AUTS2: variants seen among roughly 807,000 people sequenced by gnomAD.
The protein encoded by AUTS2 is activator of transcription and developmental regulator AUTS2, also known as autism susceptibility gene 2 protein.
A neutral mutation model predicts 112.4 loss-of-function variants in AUTS2; 17 were observed. The observed-to-expected ratio is 0.15, with a 90% CI of 0.10 to 0.23. The LOEUF (loss-of-function observed/expected upper bound fraction) is 0.23, where lower values mean the gene tolerates loss of function less well. Among genes scored for constraint, AUTS2 ranks in the 10% least tolerant of loss-of-function variants. The probability of loss-of-function intolerance (pLI) is 1.00; values close to 1 mark genes in which losing one functional copy is unlikely to be tolerated. For synonymous variants in AUTS2, 751 were observed against 702.7 expected, an observed-to-expected ratio of 1.07 and a Z score of -1.09; for missense variants, 1,510 against 1,701.6, an observed-to-expected ratio of 0.89 and a Z score of 1.98.
At chr7:69,714,763 T>C (rs980896963) in intron 1 of AUTS2, among the ~76,000 whole-genome samples, 2 of 152,186 alleles carry the variant, frequency 1.3e-5, no homozygotes, top group Non-Finnish European at 2.9e-5. Context: ...GGGATCCTGA[T>C]TGAAATTAAA....
At chr7:70,257,267 A>G (rs1279808326) in intron 4 of AUTS2, among the ~76,000 whole-genome samples, 2 of 152,132 alleles carry the variant, frequency 1.3e-5, no homozygotes, top group Non-Finnish European at 2.9e-5. Flanking sequence ...CAGCCTCTCA[A>G]GTAGCTGGGA....
chr7:69,599,497 C>T lies in AUTS2; in HGVS notation c.-157C>T, dbSNP rs1416529293. 4 of 573,612 alleles carry T rather than the reference C, an allele frequency of 7.0e-6. No individual in the cohort carries two copies. The highest frequency in any genetic ancestry group is 1.0e-5 in the Non-Finnish European group (4 of 392,636). The allele number at this position is 573,612 out of a possible 1,614,324, so 35.5% of individuals were successfully genotyped here. On this transcript the variant is annotated 5_prime_UTR_variant, in exon 1 of 19. Coordinates refer to ENST00000342771, the MANE Select transcript of AUTS2 (RefSeq NM_015570.4). The surrounding 1 kb of genome is among the most constrained non-coding windows in gnomAD (Gnocchi z 7.0). ...CTTTTCTTTCTCCTCTCTTTCTTCC[C>T]CTCTCTCCCTTCTTTCGGCCGCCGT...
chr7:70,714,891 A>G (rs1810269752), intron 6 of AUTS2, among the ~76,000 whole-genome samples: 1 of 152,230 alleles, frequency 6.6e-6, no homozygotes, highest in African/African-American at 2.4e-5. Context: ...AGTGATGTCA[A>G]AATTATTCAG....
At chr7:69,791,412 C>T (rs533106935) in intron 1 of AUTS2, among the ~76,000 whole-genome samples, 4 of 152,264 alleles carry the variant, frequency 2.6e-5, no homozygotes, top group Non-Finnish European at 5.9e-5. Flanking sequence ...CTGAATATAG[C>T]ACAGTAATTA....
intron 1 of AUTS2, among the ~76,000 whole-genome samples, chr7:69,794,841 G>T (rs1789769671): frequency 6.6e-6 from 1 of 152,048 alleles, no homozygotes; most frequent in African/African-American, 2.4e-5. Context: ...TCCTCCATTA[G>T]TAGGAGGTAG....
At chr7:70,406,560 A>G (rs1333473721) in intron 4 of AUTS2, among the ~76,000 whole-genome samples, 1 of 152,230 alleles carries the variant, frequency 6.6e-6, no homozygotes, top group African/African-American at 2.4e-5. Flanking sequence ...GTTGTTGGAA[A>G]GAAATGTTTA....
chr7:70,266,047 A>G (rs894046322), intron 4 of AUTS2, among the ~76,000 whole-genome samples: 3 of 152,204 alleles, frequency 2.0e-5, no homozygotes, highest in African/African-American at 4.8e-5. Context: ...ACTCCTAGCT[A>G]TATACCCAAA....
chr7:70,739,634 T>A (rs1787986133), intron 6 of AUTS2, among the ~76,000 whole-genome samples: 1 of 152,060 alleles, frequency 6.6e-6, no homozygotes, highest in Non-Finnish European at 1.5e-5. Context: ...AGTTGTAGAA[T>A]CTTTTGTTTG....
At position 70,698,611 on chromosome 7, in the gene AUTS2, G is replaced by A. The variant is rs768645278; in HGVS notation, c.733G>A (p.Val245Ile). Residue 245 changes from valine to isoleucine, a missense_variant, in exon 6 of 19, where the codon GTA (valine) becomes ATA (isoleucine). Around this residue, in one of 3 missense-constraint regions of AUTS2, gnomAD observed 535 missense variants for 594.3 expected, o/e 0.90. Transcript: ENST00000342771. ...SSEKLFNTVI[V>I]NKDPELGVGT... ...TGAAAAACTCTTCAACACTGTTATT[G>A]TAAACAAAGGTAAGACCCATTCATT... is the stretch of plus-strand genomic sequence containing the variant. 1.9e-6 allele frequency: 3 copies of A among 1,605,516 alleles called. No individual in the cohort carries two copies. Among genetic ancestry groups the A allele is most frequent in the Non-Finnish European group, 2.6e-6 (3 of 1,176,196 alleles).
At chr7:70,515,000 C>T (rs1338351166) in intron 5 of AUTS2, among the ~76,000 whole-genome samples, 2 of 152,062 alleles carry the variant, frequency 1.3e-5, no homozygotes, top group African/African-American at 4.8e-5. Context: ...ACCTGTAAAG[C>T]TCTTTATATA....
intron 5 of AUTS2, among the ~76,000 whole-genome samples, chr7:70,478,735 C>G (rs1054834415): frequency 6.7e-6 from 1 of 148,964 alleles, no homozygotes; most frequent in East Asian, 2.0e-4. Context: ...TACTAGTGTT[C>G]AAGACTTGTT....
chr7:70,279,593 G>T (rs555751663), intron 4 of AUTS2, among the ~76,000 whole-genome samples: 1 of 152,308 alleles, frequency 6.6e-6, no homozygotes, highest in East Asian at 1.9e-4. Context: ...GACAGGAAAT[G>T]GAGTTTATTT....
At chr7:70,460,338 C>CTTTTTTTTTTTTTTTT (rs10537541) in intron 5 of AUTS2, among the ~76,000 whole-genome samples, 1 of 38,184 alleles carries the variant, frequency 2.6e-5, no homozygotes, top group African/African-American at 1.1e-4. Context: ...ACAGCCTGGT[C>CTTTTTTTTTTTTTTTT]TTTTTTTTTT....
At chr7:69,942,260 C>T (rs1042086493) in intron 2 of AUTS2, among the ~76,000 whole-genome samples, 2 of 152,158 alleles carry the variant, frequency 1.3e-5, no homozygotes, top group African/African-American at 4.8e-5. Flanking sequence ...CAATACCTGA[C>T]ATATTGTGGG....
intron 4 of AUTS2, among the ~76,000 whole-genome samples, chr7:70,254,540 A>G (rs1293542819): frequency 6.6e-6 from 1 of 152,182 alleles, no homozygotes. Context: ...TTCTGCTTCT[A>G]TGACTTGCTC....
At chr7:69,620,789 T>G (rs1793619730) in intron 1 of AUTS2, among the ~76,000 whole-genome samples, 1 of 152,148 alleles carries the variant, frequency 6.6e-6, no homozygotes, top group Non-Finnish European at 1.5e-5. Flanking sequence ...ATGAAAACAT[T>G]TTTACCAGTT....
At chr7:70,737,329 G>T (rs534186122) in intron 6 of AUTS2, among the ~76,000 whole-genome samples, 4 of 152,156 alleles carry the variant, frequency 2.6e-5, no homozygotes, top group African/African-American at 9.7e-5. Context: ...GCCAAAGGGC[G>T]GGAACATTAG....
At chr7:69,883,192 C>T (rs1187311628) in intron 1 of AUTS2, among the ~76,000 whole-genome samples, 1 of 151,786 alleles carries the variant, frequency 6.6e-6, no homozygotes, top group Non-Finnish European at 1.5e-5. Context: ...AATGAAGCTT[C>T]TATGGTGGGA....
rs958871547 is a variant in AUTS2 at position 69,952,120 on chromosome 7, T to C, written c.522+52622T>C. Among the ~76,000 whole-genome samples the C allele has an allele frequency of 3.9e-5, 6 of 152,276 alleles. No homozygotes were observed. The East Asian group carries it at 1.2e-3, about 29-fold the overall frequency. ...AGGATTGAACCCTTTTTTTTGTAGT[T>C]TTCTCTCAAGGGCTAATATTTATAT... On this transcript the variant is annotated intron_variant, in intron 2 of 18. Coordinates refer to ENST00000342771, the MANE Select transcript of AUTS2 (RefSeq NM_015570.4).
Sources: gnomAD v4.1 joint callset for allele counts (sites outside exome capture counted in the v4.1 genomes callset) on GRCh38, gnomAD v4.1.1 for gene constraint, gnomAD v4.1.1 regional missense constraint, Gnocchi (gnomAD v3.1) non-coding constraint, MANE v1.5 for transcripts, NCBI Gene and HGNC (gene_info 2026-07-23, HGNC 2026-07-21) for gene names.